The following GNAL variants were observed in gnomAD, a reference collection of about 807,000 sequenced individuals.
GNAL encodes guanine nucleotide-binding protein G(olf) subunit alpha.
In GNAL, 18 loss-of-function variants were observed where a neutral mutation model predicts 55.1. The observed-to-expected ratio is 0.33, with a 90% CI of 0.23 to 0.48. GNAL has a LOEUF of 0.48. Ranked by LOEUF, GNAL falls within the 20% of genes least tolerant of loss-of-function variation. The pLI is 0.99. For synonymous variants in GNAL, 253 were observed against 237.0 expected (o/e 1.07, Z -0.62); for missense variants, 412 against 614.1 (o/e 0.67, Z 3.48).
intron 4 of GNAL, among the ~76,000 whole-genome samples, chr18:11,755,440 ATG>A (rs2033019749): frequency 6.6e-6 from 1 of 151,976 alleles, no homozygotes; most frequent in Non-Finnish European, 1.5e-5. Context: ...CACCCGGCTA[ATG>A]TTTTTTGTAT....
chr18:11,712,066 G>C (rs913370708), intron 1 of GNAL, among the ~76,000 whole-genome samples: 1 of 152,162 alleles, frequency 6.6e-6, no homozygotes, highest in Admixed American at 6.5e-5. Flanking sequence ...CTCCCTCCGT[G>C]GGGAGAAGTC....
In GNAL at chr18:11,868,177, A is replaced by G. The variant is rs532720971; in HGVS notation, c.911-366A>G. On this transcript the variant is annotated intron_variant, in intron 8 of 11. Coordinates refer to ENST00000334049, the MANE Select transcript of GNAL (RefSeq NM_182978.4). The surrounding 1 kb of genome is among the most constrained non-coding windows in gnomAD (Gnocchi z 4.0). ...TAGCCAGGTGTGGTGACACATGCCT[A>G]TAATCCTAGCTACTAGGGAGGCTGA... 6.6e-5 allele frequency among the ~76,000 whole-genome samples: 10 copies of G among 151,190 alleles called. No individual in the cohort carries two copies. Among genetic ancestry groups the G allele is most frequent in the Non-Finnish European group, 1.2e-4 (8 of 67,746 alleles).
intron 4 of GNAL, among the ~76,000 whole-genome samples, chr18:11,761,530 T>G (rs1338926287): frequency 6.6e-6 from 1 of 152,228 alleles, no homozygotes; most frequent in Non-Finnish European, 1.5e-5. Flanking sequence ...CCTTGCTCTT[T>G]CCCACCATTT....
chr18:11,841,129 C>T (rs1322431811), intron 5 of GNAL, among the ~76,000 whole-genome samples: 1 of 152,058 alleles, frequency 6.6e-6, no homozygotes, highest in East Asian at 1.9e-4. Flanking sequence ...CCACCTCGGC[C>T]TCCCAAAGTG....
chr18:11,884,883 C>A lies in GNAL; in HGVS notation c.*3748C>A. ...GAAAATGTCTGGGACACTGACCTGT[C>A]AAAACTGGCCCCTGGCTCACTGGGT... On this transcript the variant is annotated 3_prime_UTR_variant, in exon 12 of 12. Transcript: ENST00000334049. 7.5e-7 allele frequency: 1 copy of A among 1,327,968 alleles called. No individual in the cohort carries two copies. The highest frequency in any genetic ancestry group is 9.7e-7 in the Non-Finnish European group (1 of 1,031,878). The allele number at this position is 1,327,968 out of a possible 1,614,324, so 82.3% of individuals were successfully genotyped here.
chr18:11,757,229 G>GT (rs2033086365), intron 4 of GNAL, among the ~76,000 whole-genome samples: 2 of 152,340 alleles, frequency 1.3e-5, no homozygotes, highest in South Asian at 4.1e-4. Flanking sequence ...GGCAAATGTG[G>GT]TTAGTACCTA....
rs1414603807 is a variant in GNAL at position 11,882,091 on chromosome 18, G to GTAAGT, written c.*959_*963dup. The GTAAGT allele has an allele frequency of 1.3e-5, 2 of 152,154 alleles. No individual in the cohort carries two copies. Among genetic ancestry groups the GTAAGT allele is most frequent in the Non-Finnish European group, 2.9e-5 (2 of 68,024 alleles). The allele number at this position is 152,154 out of a possible 1,614,324, so 9.4% of individuals were successfully genotyped here. A position where few individuals can be genotyped will look rare whatever the true frequency, so the allele number is the denominator to read the frequency against. ...AAAATACTCCCTGATTTAAAAAATT[G>GTAAGT]TAAGTTATACACGTTAATCATCCAC... On this transcript the variant is annotated 3_prime_UTR_variant, in exon 12 of 12. Coordinates refer to ENST00000334049, the MANE Select transcript of GNAL (RefSeq NM_182978.4).
At chr18:11,879,159 A>G (rs1009890759) in intron 11 of GNAL, among the ~76,000 whole-genome samples, 4 of 150,778 alleles carry the variant, frequency 2.7e-5, no homozygotes, top group South Asian at 2.1e-4. Flanking sequence ...TTTAGTGTCC[A>G]TAAGTTTTTT....
At chr18:11,753,715 A>G (rs375535450) in intron 3 of GNAL, 33 bp downstream of exon 3, 3 of 1,501,240 alleles carry the variant, frequency 2.0e-6, no homozygotes, top group Non-Finnish European at 2.8e-6. Flanking sequence ...GTTTACTAGA[A>G]AGGTCAAGTG....
intron 4 of GNAL, among the ~76,000 whole-genome samples, chr18:11,768,987 CTA>C (rs1397139493): frequency 5.1e-5 from 4 of 78,794 alleles, no homozygotes; most frequent in Non-Finnish European, 7.9e-5. Context: ...ATTATATATT[CTA>C]TATTATAATA....
At chr18:11,840,268 A>ATG (rs2035585051) in intron 5 of GNAL, among the ~76,000 whole-genome samples, 2 of 152,264 alleles carry the variant, frequency 1.3e-5, no homozygotes, top group African/African-American at 4.8e-5. Context: ...TGAAGAAAGA[A>ATG]TGAAAGATTC....
chr18:11,740,147 G>A (rs2032545859), intron 1 of GNAL, among the ~76,000 whole-genome samples: 1 of 151,976 alleles, frequency 6.6e-6, no homozygotes, highest in African/African-American at 2.4e-5. Flanking sequence ...GTAATTTTCA[G>A]TGGCTTAGAA....
chr18:11,841,142 A>C (rs565159636), intron 5 of GNAL, among the ~76,000 whole-genome samples: 200 of 152,078 alleles, frequency 1.3e-3, no homozygotes, highest in African/African-American at 4.8e-3. Context: ...CCAAAGTGTT[A>C]GGATTACAGG....
rs919110758 is a variant in GNAL at position 11,881,237 on chromosome 18, G to A, written c.*102G>A. On this transcript the variant is annotated 3_prime_UTR_variant, in exon 12 of 12. Transcript: ENST00000334049. The surrounding 1 kb of genome is among the most constrained non-coding windows in gnomAD (Gnocchi z 4.8). ...GAGTCTCTAGTTCCATCTCGCTGCC[G>A]TCTGTCCCGTTCTGTGTCGACCACC... is the stretch of plus-strand genomic sequence containing the variant. The A allele has an allele frequency of 6.8e-5, 81 of 1,191,630 alleles. 2 individuals carry two copies. In the Admixed American group the frequency reaches 8.8e-4, roughly 13 times the overall value. 73.8% of individuals were successfully genotyped at this position (1,191,630 alleles called of 1,614,324 possible).
chr18:11,819,505 C>T (rs2035040058), intron 4 of GNAL, among the ~76,000 whole-genome samples: 1 of 151,704 alleles, frequency 6.6e-6, no homozygotes, highest in South Asian at 2.1e-4. Context: ...AACTGAAATC[C>T]CTTTGAATAT....
intron 5 of GNAL, among the ~76,000 whole-genome samples, chr18:11,840,461 ATCTCTTT>A (rs1221714032): frequency 2.0e-4 from 30 of 152,362 alleles, no homozygotes; most frequent in African/African-American, 6.7e-4. Context: ...GACATCCCAG[ATCTCTTT>A]TAAAATAGGA....
intron 1 of GNAL, among the ~76,000 whole-genome samples, chr18:11,731,209 G>A (rs890164624): frequency 1.3e-5 from 2 of 152,216 alleles, no homozygotes; most frequent in Non-Finnish European, 2.9e-5. Flanking sequence ...GTGCAGTGCT[G>A]TGATCTCAGC....
intron 4 of GNAL, among the ~76,000 whole-genome samples, chr18:11,758,682 A>G (rs1377027074): frequency 1.3e-5 from 2 of 152,246 alleles, no homozygotes; most frequent in African/African-American, 2.4e-5. Flanking sequence ...TTGCCTGATT[A>G]GAGTTTTTCT....
chr18:11,821,465 G>A (rs1288956647), intron 4 of GNAL, among the ~76,000 whole-genome samples: 2 of 152,150 alleles, frequency 1.3e-5, no homozygotes, highest in Admixed American at 6.6e-5. Context: ...AGTTAAATGC[G>A]ATCATGTGTT....
Sources: gnomAD v4.1 joint callset for allele counts (sites outside exome capture counted in the v4.1 genomes callset) on GRCh38, gnomAD v4.1.1 for gene constraint, Gnocchi (gnomAD v3.1) non-coding constraint, MANE v1.5 for transcripts, NCBI Gene and HGNC (gene_info 2026-07-23, HGNC 2026-07-21) for gene names.